Variants in SRD5A2 observed in about 807,000 individuals in gnomAD.
The protein encoded by SRD5A2 is steroid 5 alpha-reductase 2.
A neutral mutation model predicts 27.4 loss-of-function variants in SRD5A2; 30 were observed. That is an observed-to-expected ratio of 1.10 (90% CI 0.82 to 1.49). The LOEUF (loss-of-function observed/expected upper bound fraction) is 1.49, where lower values mean the gene tolerates loss of function less well. SRD5A2 is among the 40% of genes most tolerant of loss of function. SRD5A2 has a pLI of 0.00. For missense variants in SRD5A2, 348 were observed against 323.4 expected, an observed-to-expected ratio of 1.08 and a Z score of -0.58; for synonymous variants, 141 against 133.6, an observed-to-expected ratio of 1.06 and a Z score of -0.38.
chr2:31,523,303 C>G lies in SRD5A2; in HGVS notation c.*2893G>C. ...AGGCATGGGACAATAGGTGTATAAA[C>G]TGAACTATGCAACAGCACTTAAGCT... On this transcript the variant is annotated 3_prime_UTR_variant, in exon 5 of 5. Transcript: ENST00000622030. 4.7e-6 allele frequency: 1 copy of G among 213,990 alleles called. No individual in the cohort carries two copies. Among genetic ancestry groups the G allele is most frequent in the Non-Finnish European group, 9.4e-6 (1 of 105,828 alleles). 13.3% of individuals were successfully genotyped at this position (213,990 alleles called of 1,614,324 possible).
chr2:31,577,655 C>A (rs1364347198), intron 1 of SRD5A2, among the ~76,000 whole-genome samples: 1 of 152,198 alleles, frequency 6.6e-6, no homozygotes, highest in Non-Finnish European at 1.5e-5. Context: ...CCTGAGCCAT[C>A]CTTTCTCCCT....
intron 1 of SRD5A2, among the ~76,000 whole-genome samples, chr2:31,563,733 A>G (rs2148091370): frequency 6.6e-6 from 1 of 152,294 alleles, no homozygotes; most frequent in South Asian, 2.1e-4. Flanking sequence ...ATCACCCAAA[A>G]GAATTAAAGG....
At position 31,523,075 on chromosome 2, in the gene SRD5A2, A is replaced by G. The variant is rs1665693319; in HGVS notation, c.*3121T>C. ...CATTAGAGCTCCTTTTTCCTTTTAG[A>G]ATACAGTGGAGCCACTGTTGTTCTT... On this transcript the variant is annotated 3_prime_UTR_variant, in exon 5 of 5. Coordinates refer to ENST00000622030, the MANE Select transcript of SRD5A2 (RefSeq NM_000348.4). The G allele has an allele frequency of 9.2e-6, 2 of 218,138 alleles. No individual in the cohort carries two copies. The highest frequency in any genetic ancestry group is 3.7e-4 in the South Asian group (2 of 5,392). The allele number at this position is 218,138 out of a possible 1,614,324, so 13.5% of individuals were successfully genotyped here.
At position 31,533,516 on chromosome 2, in the gene SRD5A2, A is replaced by C. The variant is rs1029431104; in HGVS notation, c.445+87T>G. On this transcript the variant is annotated intron_variant, in intron 2 of 4. Transcript: ENST00000622030. ...GGGAAGATGGGATCATTACGAGGTC[A>C]TTGCAGTAGGGAGAGGCCATGGCGA... 24 of 1,241,810 alleles carry C rather than the reference A, an allele frequency of 1.9e-5. No homozygotes were observed. In the African/African-American group the frequency reaches 3.1e-4, roughly 16 times the overall value. 76.9% of individuals were successfully genotyped at this position (1,241,810 alleles called of 1,614,324 possible).
upstream of SRD5A2, among the ~76,000 whole-genome samples, chr2:31,584,023 C>T (rs77929608): frequency 1.3e-5 from 2 of 152,088 alleles, no homozygotes; most frequent in East Asian, 3.9e-4. Flanking sequence ...CTCTGGGGTA[C>T]AGCGGCTGTC....
chr2:31,587,846 T>C, the SRD5A2 span, among the ~76,000 whole-genome samples: 1 of 152,162 alleles, frequency 6.6e-6, no homozygotes. Flanking sequence ...CAAACTACCA[T>C]GGCACATGTA....
chr2:31,567,456 G>GTATATATATATA lies in SRD5A2; in HGVS notation c.281+13152_281+13163dup, dbSNP rs1553327758. ...TTGGTGTGTGTGTGTGTGTGTGTGTGTATATATATATATATATCTACCAGT... is the reference window on the plus strand; with the variant it reads ...TTGGTGTGTGTGTGTGTGTGTGTGTGTATATATATATATATATATATATATATATCTACCAGT... On this transcript the variant is annotated intron_variant, in intron 1 of 4. Coordinates refer to ENST00000622030, the MANE Select transcript of SRD5A2 (RefSeq NM_000348.4). 2.2e-3 allele frequency among the ~76,000 whole-genome samples: 310 copies of GTATATATATATA among 140,284 alleles called. 1 individual carries two copies. Among genetic ancestry groups the GTATATATATATA allele is most frequent in the African/African-American group, 7.7e-3 (288 of 37,428 alleles). The allele number at this position is 140,284 out of a possible 152,430, so 92.0% of individuals were successfully genotyped here.
chr2:31,533,542 T>C (rs1665960538), intron 2 of SRD5A2, 61 bp downstream of exon 2: 2 of 1,477,552 alleles, frequency 1.4e-6, no homozygotes, highest in Non-Finnish European at 1.8e-6. Context: ...GCCATGGCGA[T>C]GTAGATTGTG....
intron 1 of SRD5A2, among the ~76,000 whole-genome samples, chr2:31,554,812 A>C (rs1286505545): frequency 6.6e-6 from 1 of 152,092 alleles, no homozygotes; most frequent in African/African-American, 2.4e-5. Context: ...ACCATGAAAA[A>C]TATGTAGGGA....
At chr2:31,617,601 A>G in the SRD5A2 span, among the ~76,000 whole-genome samples, 1 of 152,132 alleles carries the variant, frequency 6.6e-6, no homozygotes, top group African/African-American at 2.4e-5. Context: ...TTCACTGCTT[A>G]GAAATTTATT....
intron 1 of SRD5A2, among the ~76,000 whole-genome samples, chr2:31,556,966 A>AACAAC (rs1403826486): frequency 6.6e-6 from 1 of 152,218 alleles, no homozygotes; most frequent in East Asian, 1.9e-4. Flanking sequence ...TAATCTTTAT[A>AACAAC]ACAACCCTAG....
At chr2:31,604,146 C>G in the SRD5A2 span, among the ~76,000 whole-genome samples, 4 of 151,718 alleles carry the variant, frequency 2.6e-5, no homozygotes, top group Non-Finnish European at 4.4e-5. Context: ...ATAACAAAAG[C>G]TATATATGAC....
Position 31,549,267 on chromosome 2 carries a change from C to T in SRD5A2, c.282-15501G>A, listed in dbSNP as rs555174793. ...AGCTGGGACTATAGGTGCCCACCACCACACCAGTCTAATTTTTTGTATTTT... is the reference window on the plus strand; with the variant it reads ...AGCTGGGACTATAGGTGCCCACCACTACACCAGTCTAATTTTTTGTATTTT... On this transcript the variant is annotated intron_variant, in intron 1 of 4. Transcript: ENST00000622030. 6.6e-5 allele frequency among the ~76,000 whole-genome samples: 10 copies of T among 151,924 alleles called. No homozygotes were observed. The East Asian group carries it at 1.9e-3, about 29-fold the overall frequency.
the SRD5A2 span, among the ~76,000 whole-genome samples, chr2:31,599,266 C>G: frequency 6.6e-6 from 1 of 151,790 alleles, no homozygotes; most frequent in East Asian, 1.9e-4. Context: ...GACAGAAAAT[C>G]AACCAAGAAA....
chr2:31,580,042 C>G (rs568339360), intron 1 of SRD5A2, among the ~76,000 whole-genome samples: 1 of 152,290 alleles, frequency 6.6e-6, no homozygotes, highest in Non-Finnish European at 1.5e-5. Flanking sequence ...ATTCTCTTCC[C>G]CATCTGTGAA....
At chr2:31,540,647 T>C (rs1479100040) in intron 1 of SRD5A2, among the ~76,000 whole-genome samples, 1 of 152,192 alleles carries the variant, frequency 6.6e-6, no homozygotes, top group Non-Finnish European at 1.5e-5. Flanking sequence ...GTTTTGGAAA[T>C]CTGGAGTCTA....
At chr2:31,612,419 T>C in the SRD5A2 span, among the ~76,000 whole-genome samples, 1 of 152,008 alleles carries the variant, frequency 6.6e-6, no homozygotes, top group Admixed American at 6.6e-5. Context: ...TCAATTACAA[T>C]AGCATCAAAA....
intron 1 of SRD5A2, among the ~76,000 whole-genome samples, chr2:31,573,414 A>C (rs1236096506): frequency 6.6e-6 from 1 of 152,184 alleles, no homozygotes; most frequent in Non-Finnish European, 1.5e-5. Context: ...TCCTGGGTTG[A>C]GCACAGAAAC....
chr2:31,624,925 G>T, the SRD5A2 span, among the ~76,000 whole-genome samples: 1 of 152,238 alleles, frequency 6.6e-6, no homozygotes, highest in East Asian at 1.9e-4. Flanking sequence ...GATCCTTGAG[G>T]AATCTCCACA....
Sources: allele counts gnomAD v4.1 joint callset (sites outside exome capture counted in the v4.1 genomes callset), GRCh38; gene constraint gnomAD v4.1.1; transcripts MANE v1.5; gene names NCBI Gene and HGNC (gene_info 2026-07-23, HGNC 2026-07-21).